Variants in CDH18 observed in about 807,000 individuals in gnomAD.
CDH18 encodes the protein cadherin-18.
A neutral mutation model predicts 67.9 loss-of-function variants in CDH18; 31 were observed. The observed-to-expected ratio is 0.46, with a 90% CI of 0.34 to 0.62. The LOEUF (loss-of-function observed/expected upper bound fraction) is 0.62, where lower values mean the gene tolerates loss of function less well. CDH18 is among the 20% of genes least tolerant of loss of function. The pLI is 0.01. For synonymous variants in CDH18, 362 were observed against 347.2 expected (o/e 1.04, Z -0.48); for missense variants, 890 against 975.5 (o/e 0.91, Z 1.17).
intron 1 of CDH18, among the ~76,000 whole-genome samples, chr5:20,480,700 C>T (rs898305697): frequency 1.6e-4 from 25 of 152,168 alleles, no homozygotes; most frequent in African/African-American, 2.6e-4. Context: ...CTGCACCTGA[C>T]CAAAGTATAG....
chr5:19,724,683 C>T (rs953019639), intron 4 of CDH18, among the ~76,000 whole-genome samples: 3 of 151,986 alleles, frequency 2.0e-5, no homozygotes, highest in Non-Finnish European at 4.4e-5. Context: ...GTTACCATTA[C>T]ATGCAAATCT....
intron 5 of CDH18, among the ~76,000 whole-genome samples, chr5:19,647,042 T>C (rs1481076007): frequency 6.6e-6 from 1 of 152,122 alleles, no homozygotes; most frequent in East Asian, 1.9e-4. Flanking sequence ...AAGTTAATCA[T>C]AGATTTTAGC....
chr5:19,855,877 A>T (rs1282918635), intron 2 of CDH18, among the ~76,000 whole-genome samples: 2 of 152,136 alleles, frequency 1.3e-5, no homozygotes, highest in African/African-American at 4.8e-5. Flanking sequence ...TTTTCAAAAT[A>T]ACTCATTTAA....
intron 12 of CDH18, among the ~76,000 whole-genome samples, chr5:19,480,207 G>C (rs1365267424): frequency 5.3e-5 from 8 of 152,040 alleles, no homozygotes; most frequent in African/African-American, 1.7e-4. Flanking sequence ...TAGGACTCTA[G>C]AGAGATCCAG....
chr5:19,673,028 A>C (rs563435225), intron 5 of CDH18, among the ~76,000 whole-genome samples: 1 of 152,156 alleles, frequency 6.6e-6, no homozygotes, highest in African/African-American at 2.4e-5. Context: ...CCTGCATTCA[A>C]TCAAGGACAA....
intron 2 of CDH18, among the ~76,000 whole-genome samples, chr5:20,064,010 GATTT>G (rs1742747973): frequency 1.3e-5 from 2 of 152,062 alleles, no homozygotes; most frequent in Admixed American, 6.6e-5. Context: ...GAATGCATAT[GATTT>G]ATTTGTGTTG....
At chr5:19,811,130 GAA>G (rs761729466) in intron 3 of CDH18, among the ~76,000 whole-genome samples, 4 of 114,428 alleles carry the variant, frequency 3.5e-5, no homozygotes, top group Admixed American at 9.3e-5. Context: ...AAGAAAGAAA[GAA>G]AGAAAGAAAG....
chr5:19,658,923 G>A (rs549751217), intron 5 of CDH18, among the ~76,000 whole-genome samples: 1 of 151,984 alleles, frequency 6.6e-6, no homozygotes, highest in South Asian at 2.1e-4. Flanking sequence ...TGATAGACTG[G>A]ATTAAGAAAA....
intron 7 of CDH18, among the ~76,000 whole-genome samples, chr5:19,586,525 A>C (rs1744171907): frequency 1.3e-5 from 2 of 152,182 alleles, no homozygotes; most frequent in South Asian, 4.1e-4. Flanking sequence ...TGTCCCTACA[A>C]AGGACACGAA....
chr5:19,502,872 T>C (rs1275724277), intron 11 of CDH18, 120 bp downstream of exon 11: 2 of 745,928 alleles, frequency 2.7e-6, no homozygotes, highest in South Asian at 1.4e-5. Flanking sequence ...CACAGTAGCA[T>C]CAAACTGACT....
chr5:20,223,905 T>C (rs1375611197), intron 2 of CDH18, among the ~76,000 whole-genome samples: 1 of 152,132 alleles, frequency 6.6e-6, no homozygotes, highest in Non-Finnish European at 1.5e-5. Context: ...TAAACATCTT[T>C]CCTTCATAAA....
intron 3 of CDH18, among the ~76,000 whole-genome samples, chr5:19,821,143 TG>T (rs750664973): frequency 1.1e-4 from 17 of 152,088 alleles, no homozygotes; most frequent in Admixed American, 2.6e-4. Context: ...ATTCAGAGTT[TG>T]GATGGCAAGG....
chr5:19,977,085 G>C (rs1798575543), intron 2 of CDH18, among the ~76,000 whole-genome samples: 1 of 152,000 alleles, frequency 6.6e-6, no homozygotes, highest in Non-Finnish European at 1.5e-5. Context: ...TTGAAGAAAG[G>C]GAAACAAAGT....
At chr5:19,824,385 C>G (rs573006945) in intron 3 of CDH18, among the ~76,000 whole-genome samples, 127 of 152,260 alleles carry the variant, frequency 8.3e-4, no homozygotes, top group African/African-American at 3.0e-3. Context: ...GAGAACCTCC[C>G]CAGTATGGGA....
chr5:19,741,226 T>C (rs36162375), intron 4 of CDH18, among the ~76,000 whole-genome samples: 95,128 of 143,872 alleles, frequency 0.66, 36,129 homozygotes, highest in Non-Finnish European at 0.84. Flanking sequence ...TATATATACA[T>C]GTATATATGT....
intron 1 of CDH18, among the ~76,000 whole-genome samples, chr5:20,544,857 C>G (rs1370733990): frequency 6.6e-6 from 1 of 152,188 alleles, no homozygotes; most frequent in African/African-American, 2.4e-5. Context: ...AGACTTAATT[C>G]ATTCCAGCAT....
rs148107820 is a variant in CDH18 at position 19,849,968 on chromosome 5, T to A, written c.-256-10726A>T. ...AAATTTGAGTACAGTTCTGTCTTAG[T>A]CCAGCATCTTTTTCTAACACAGGAT... On this transcript the variant is annotated intron_variant, in intron 2 of 12. Coordinates refer to ENST00000382275, the MANE Select transcript of CDH18 (RefSeq NM_004934.5). 9.7e-4 allele frequency among the ~76,000 whole-genome samples: 148 copies of A among 151,862 alleles called. 1 individual carries two copies. The East Asian group carries it at 0.027, about 28-fold the overall frequency.
intron 4 of CDH18, among the ~76,000 whole-genome samples, chr5:19,745,737 A>G (rs1235380174): frequency 6.6e-6 from 1 of 152,020 alleles, no homozygotes; most frequent in African/African-American, 2.4e-5. Flanking sequence ...AGAGGGAACG[A>G]GTTTGGCAAC....
At chr5:19,538,202 C>T (rs770299) in intron 9 of CDH18, among the ~76,000 whole-genome samples, 3,745 of 152,220 alleles carry the variant, frequency 0.025, 166 homozygotes, top group African/African-American at 0.085. Context: ...TGGAGAAGAG[C>T]TCATCCCAGC....
Sources: allele counts gnomAD v4.1 joint callset (sites outside exome capture counted in the v4.1 genomes callset), GRCh38; gene constraint gnomAD v4.1.1; transcripts MANE v1.5; gene names NCBI Gene and HGNC (gene_info 2026-07-23, HGNC 2026-07-21).